The following TTC13 variants were observed in gnomAD, a reference collection of about 807,000 sequenced individuals.
TTC13 encodes tetratricopeptide repeat protein 13.
Under a neutral mutation model 120.0 loss-of-function variants are expected in TTC13, and 62 were observed. The observed-to-expected ratio is 0.52, with a 90% CI of 0.42 to 0.64. The LOEUF (loss-of-function observed/expected upper bound fraction) is 0.64, where lower values mean the gene tolerates loss of function less well. TTC13 is among the 30% of genes least tolerant of loss of function. The pLI, the probability that TTC13 is intolerant of heterozygous loss-of-function variation, is 0.00. For missense variants in TTC13, 824 were observed against 1,050.2 expected, an observed-to-expected ratio of 0.78 and a Z score of 2.98; for synonymous variants, 384 against 393.5, an observed-to-expected ratio of 0.98 and a Z score of 0.28.
intron 4 of TTC13, among the ~76,000 whole-genome samples, chr1:230,948,933 C>T (rs1402094190): frequency 6.6e-6 from 1 of 152,098 alleles, no homozygotes; most frequent in East Asian, 1.9e-4. Flanking sequence ...TCCTTTGATC[C>T]CTTAAGTCTC....
Position 230,929,054 on chromosome 1 carries a change from AG to A in TTC13, c.1339del (p.Thr448ArgfsTer25), listed in dbSNP as rs867367503. 1 of 1,614,050 alleles carries A rather than the reference AG, an allele frequency of 6.2e-7. No individual in the cohort carries two copies. The highest frequency in any genetic ancestry group is 1.3e-5 in the African/African-American group (1 of 74,922). On this transcript the variant is annotated frameshift_variant, in exon 12 of 23. Coordinates refer to ENST00000366661, the MANE Select transcript of TTC13 (RefSeq NM_024525.5). LOFTEE classifies it high-confidence loss of function. ...ATCCACATCAATGTTATATTCCGTAAGGGGGGTATCAAGGTGTGCATGAAGA... is the reference window on the plus strand; with the variant it reads ...ATCCACATCAATGTTATATTCCGTAAGGGGGTATCAAGGTGTGCATGAAGA... Reference protein sequence around the residue: ...RYLHAHLDTPLTEYNIDVDLP... With the variant: ...RYLHAHLDTPXTEYNIDVDLP...
At chr1:230,936,050 G>T in intron 8 of TTC13, 2 of 381,174 alleles carry the variant, frequency 5.2e-6, no homozygotes, top group East Asian at 7.3e-5. Context: ...CTGCAGGTGG[G>T]GATGGGGTGG....
Position 230,944,444 on chromosome 1 carries a change from T to C in TTC13, c.580-546A>G, listed in dbSNP as rs1198864723. On this transcript the variant is annotated intron_variant, in intron 5 of 22. Transcript: ENST00000366661. The surrounding 1 kb of genome is among the most constrained non-coding windows in gnomAD (Gnocchi z 4.0). ...ATATATAATTTTAAAAGATGAGAAT[T>C]AGGAAGAGGCAGCTCTGAACTTTAC... Among the ~76,000 whole-genome samples, 2 of 152,182 alleles carry C rather than the reference T, an allele frequency of 1.3e-5. No homozygotes were observed. Among genetic ancestry groups the C allele is most frequent in the Non-Finnish European group, 2.9e-5 (2 of 68,042 alleles).
At chr1:230,930,611 C>A (rs1176728512) in intron 11 of TTC13, among the ~76,000 whole-genome samples, 2 of 152,140 alleles carry the variant, frequency 1.3e-5, no homozygotes, top group Non-Finnish European at 2.9e-5. Flanking sequence ...GTCAAAGATA[C>A]CAAGTTCACA....
chr1:230,934,199 TAAGA>T (rs949022690), intron 8 of TTC13, among the ~76,000 whole-genome samples: 112 of 152,142 alleles, frequency 7.4e-4, no homozygotes, highest in African/African-American at 2.6e-3. Context: ...TATCCTTAAT[TAAGA>T]AAGGCCCTAG....
intron 3 of TTC13, among the ~76,000 whole-genome samples, chr1:230,956,086 T>A (rs768691769): frequency 6.6e-5 from 10 of 152,208 alleles, no homozygotes; most frequent in Non-Finnish European, 1.5e-4. Flanking sequence ...TCCACTGCAA[T>A]GAGGTAGGTA....
At position 230,931,821 on chromosome 1, in the gene TTC13, T is replaced by C. The variant is rs1673588142; in HGVS notation, c.1040A>G (p.Asn347Ser). 3 of 1,614,122 alleles carry C rather than the reference T, an allele frequency of 1.9e-6. No homozygotes were observed. The highest frequency in any genetic ancestry group is 1.7e-5 in the Admixed American group (1 of 60,010). The stretch of plus-strand genomic sequence containing the variant: ...CTGGAGGGTTTGCACATGATTTTGG[T>C]TGAGCAACAGTGCCTTTTGAAAGCT... The part of the protein sequence containing the change: ...TESFQKALLL[N>S]QNHVQTLQLR... The change falls in exon 10 of 23, where the codon AAC becomes AGC. Residue 347 changes from asparagine to serine, a missense_variant. Physicochemically the swap from Asn to Ser is conservative, Grantham distance 46. Coordinates refer to ENST00000366661, the MANE Select transcript of TTC13 (RefSeq NM_024525.5).
intron 5 of TTC13, 50 bp downstream of exon 5, chr1:230,945,335 GGTCT>G (rs1236426902): frequency 2.7e-6 from 4 of 1,490,642 alleles, no homozygotes; most frequent in Non-Finnish European, 3.7e-6. Flanking sequence ...GCAAAACCCT[GGTCT>G]GTGTCAGGTC....
chr1:230,951,972 C>CG (rs1218234086), intron 4 of TTC13, among the ~76,000 whole-genome samples: 1 of 152,160 alleles, frequency 6.6e-6, no homozygotes, highest in African/African-American at 2.4e-5. Context: ...ACAGAAAACT[C>CG]AAACAGAGAC....
intron 9 of TTC13, 126 bp from the exon 10 acceptor site, chr1:230,932,003 C>CT (rs200027313): frequency 2.3e-6 from 2 of 856,188 alleles, no homozygotes; most frequent in Non-Finnish European, 1.8e-6. Flanking sequence ...CCCTTTGTTG[C>CT]TTTTTTATAG....
At chr1:230,967,178 T>C (rs964283500) in intron 1 of TTC13, among the ~76,000 whole-genome samples, 1 of 152,182 alleles carries the variant, frequency 6.6e-6, no homozygotes, top group South Asian at 2.1e-4. Flanking sequence ...CACCTTATTA[T>C]ACTAGATGAA....
At chr1:230,975,211 GAA>G (rs112878803) in intron 1 of TTC13, among the ~76,000 whole-genome samples, 2 of 138,290 alleles carry the variant, frequency 1.4e-5, no homozygotes, top group Admixed American at 1.5e-4. Context: ...TGTCTCTACA[GAA>G]AAAAAAAAAA....
intron 15 of TTC13, among the ~76,000 whole-genome samples, chr1:230,922,395 T>G (rs1176572482): frequency 6.6e-6 from 1 of 152,220 alleles, no homozygotes; most frequent in Non-Finnish European, 1.5e-5. Context: ...CCGAGGTTCC[T>G]GCCTCCTCTC....
At chr1:230,969,138 T>C (rs1464745556) in intron 1 of TTC13, among the ~76,000 whole-genome samples, 3 of 115,018 alleles carry the variant, frequency 2.6e-5, no homozygotes, top group African/African-American at 3.7e-5. Context: ...GGCAGGCGCC[T>C]GTAGTCCCAG....
chr1:230,925,282 G>A (rs1672958009), intron 13 of TTC13, among the ~76,000 whole-genome samples: 1 of 152,162 alleles, frequency 6.6e-6, no homozygotes, highest in Non-Finnish European at 1.5e-5. Flanking sequence ...CTGATTTTGA[G>A]TAAGGACTTA....
intron 2 of TTC13, among the ~76,000 whole-genome samples, chr1:230,960,438 C>A (rs1412733948): frequency 1.3e-5 from 2 of 152,110 alleles, no homozygotes; most frequent in Admixed American, 1.3e-4. Flanking sequence ...TGATTTTGGG[C>A]AAGTCTAATT....
Position 230,922,674 on chromosome 1 carries a change from C to A in TTC13, c.1814+1167G>T, listed in dbSNP as rs535496207. On this transcript the variant is annotated intron_variant, in intron 15 of 22. Coordinates refer to ENST00000366661, the MANE Select transcript of TTC13 (RefSeq NM_024525.5). ...TGGGTCCAAGTTAATCACCCCACCT[C>A]TCTCTGTTTTCCATTTTTCCAAATA... Among the ~76,000 whole-genome samples the A allele has an allele frequency of 3.3e-5, 5 of 152,362 alleles. No homozygotes were observed. The South Asian group carries it at 1.0e-3, about 32-fold the overall frequency.
At chr1:230,977,164 G>A (rs1251639757) in intron 1 of TTC13, among the ~76,000 whole-genome samples, 1 of 152,304 alleles carries the variant, frequency 6.6e-6, no homozygotes, top group East Asian at 1.9e-4. Flanking sequence ...ACCATCTAAT[G>A]AGGTGGTTAT....
Position 230,931,386 on chromosome 1 carries a change from C to G in TTC13, c.1212G>C (p.Gly404=). ...SHVAMGQFYE[G]IKAQTKVMLN... is the part of the protein sequence containing the mutation. ...GCATAACTTTTGTTTGTGCTTTTAT[C>G]CCTTCATAAAACTGTCCCATGGCAA... Residue 404 remains glycine (G), a synonymous_variant, in exon 11 of 23, where the codon GGG becomes GGC. Coordinates refer to ENST00000366661, the MANE Select transcript of TTC13 (RefSeq NM_024525.5). 6.2e-7 allele frequency: 1 copy of G among 1,614,214 alleles called. No individual in the cohort carries two copies. The highest frequency in any genetic ancestry group is 8.5e-7 in the Non-Finnish European group (1 of 1,180,040).
Sources: gnomAD v4.1 joint callset for allele counts (sites outside exome capture counted in the v4.1 genomes callset) on GRCh38, gnomAD v4.1.1 for gene constraint, Gnocchi (gnomAD v3.1) non-coding constraint, MANE v1.5 for transcripts, NCBI Gene and HGNC (gene_info 2026-07-23, HGNC 2026-07-21) for gene names.